The following CYP4F3 variants were observed in gnomAD, a reference collection of about 807,000 sequenced individuals.
CYP4F3 encodes the protein cytochrome P450 family 4 subfamily F member 3.
Under a neutral mutation model 54.8 loss-of-function variants are expected in CYP4F3, and 50 were observed. The observed-to-expected ratio is 0.91, with a 90% CI of 0.73 to 1.16. The LOEUF is 1.16. CYP4F3 is among the 50% of genes most tolerant of loss of function. The pLI, the probability that CYP4F3 is intolerant of heterozygous loss-of-function variation, is 0.00. For missense variants in CYP4F3, 715 were observed against 676.2 expected (o/e 1.06, Z -0.64); for synonymous variants, 244 against 262.6 (o/e 0.93, Z 0.69).
chr19:15,656,662 C>T (rs1973029225), intron 9 of CYP4F3, among the ~76,000 whole-genome samples: 1 of 151,922 alleles, frequency 6.6e-6, no homozygotes, highest in Non-Finnish European at 1.5e-5. Context: ...ATGTCTCCAT[C>T]ATCTATTATC....
Position 15,643,337 on chromosome 19 carries a change from G to GATAC in CYP4F3, c.198+1727_198+1728insCATA, listed in dbSNP as rs1341781213. 2.5e-3 allele frequency among the ~76,000 whole-genome samples: 340 copies of GATAC among 138,752 alleles called. 1 individual carries two copies. The highest frequency in any genetic ancestry group is 8.6e-3 in the African/African-American group (300 of 34,986). 91.0% of individuals were successfully genotyped at this position (138,752 alleles called of 152,430 possible). On this transcript the variant is annotated intron_variant, in intron 2 of 12. Coordinates refer to ENST00000221307, the MANE Select transcript of CYP4F3 (RefSeq NM_000896.3). ...GATTAGATAGATAGATAGATAGACAGATAGATACATACATACATACATATA... is the reference window on the plus strand; with the variant it reads ...GATTAGATAGATAGATAGATAGACAGATACATAGATACATACATACATACATATA...
intron 2 of CYP4F3, among the ~76,000 whole-genome samples, chr19:15,645,410 G>C (rs183291153): frequency 1.3e-5 from 2 of 152,322 alleles, no homozygotes; most frequent in African/African-American, 4.8e-5. Context: ...CCATGGTCTG[G>C]GACTATGGGC....
intron 6 of CYP4F3, 83 bp downstream of exon 6, chr19:15,649,364 A>T: frequency 2.0e-5 from 32 of 1,599,068 alleles, no homozygotes; most frequent in Non-Finnish European, 2.7e-5. Context: ...TGAGCAGGGA[A>T]ATCAGACAAA....
At chr19:15,658,098 T>C in intron 9 of CYP4F3, 166 bp from the exon 10 acceptor site, 1 of 981,514 alleles carries the variant, frequency 1.0e-6, no homozygotes, top group Non-Finnish European at 1.2e-6. Flanking sequence ...TATTTTCTTG[T>C]TTCTGCAACA....
Position 15,659,168 on chromosome 19 carries a change from G to C in CYP4F3, c.1398-52G>C. On this transcript the variant is annotated intron_variant, in intron 12 of 12. Transcript: ENST00000221307. ...CCAGGCCAGGTTACCGGCTTGATGG[G>C]GCCAGGATGGGGCACCTGGGTGCAG... 1.6e-6 allele frequency: 2 copies of C among 1,237,176 alleles called. 1 individual carries two copies. The highest frequency in any genetic ancestry group is 2.2e-6 in the Non-Finnish European group (2 of 893,380). 76.6% of individuals were successfully genotyped at this position (1,237,176 alleles called of 1,614,324 possible). A position where few individuals can be genotyped will look rare whatever the true frequency, so the allele number is the denominator to read the frequency against.
rs1205430061 is a variant in CYP4F3 at position 15,647,043 on chromosome 19, T to G, written c.344-9T>G. On this transcript the variant is annotated splice_polypyrimidine_tract_variant and intron_variant, in intron 3 of 12. Coordinates refer to ENST00000221307, the MANE Select transcript of CYP4F3 (RefSeq NM_000896.3). Reference sequence around the variant, plus strand: ...CTCCATGGCCCCTGATTGTCCTCATTTATGTCAGCTGCCATTGTACCAAAG... The same window carrying G: ...CTCCATGGCCCCTGATTGTCCTCATGTATGTCAGCTGCCATTGTACCAAAG... 3.1e-6 allele frequency: 5 copies of G among 1,614,024 alleles called. No homozygotes were observed. The highest frequency in any genetic ancestry group is 4.2e-6 in the Non-Finnish European group (5 of 1,180,014).
intron 2 of CYP4F3, 123 bp downstream of exon 2, chr19:15,641,736 G>A (rs1038071666): frequency 2.1e-5 from 23 of 1,117,774 alleles, no homozygotes; most frequent in African/African-American, 6.2e-5. Context: ...CAGGGGAGGC[G>A]TCTTACTCAT....
Position 15,662,360 on chromosome 19 carries a change from C to T in CYP4F3, c.*2975C>T, listed in dbSNP as rs1374710066. The T allele has an allele frequency of 6.8e-6, 1 of 147,228 alleles. No individual in the cohort carries two copies. The highest frequency in any genetic ancestry group is 2.0e-4 in the East Asian group (1 of 4,886). 9.1% of individuals were successfully genotyped at this position (147,228 alleles called of 1,614,324 possible). ...ACTTGCCTTGCAGGTTTGTAGAAAA[C>T]TCAATTGTTGAAATTTGGGTGGATA... On this transcript the variant is annotated 3_prime_UTR_variant, in exon 13 of 13. Transcript: ENST00000221307.
chr19:15,654,638 T>C (rs1472097404), intron 9 of CYP4F3, among the ~76,000 whole-genome samples: 3 of 152,238 alleles, frequency 2.0e-5, no homozygotes, highest in East Asian at 1.9e-4. Flanking sequence ...CTTATTTACT[T>C]ACCACAATGA....
chr19:15,643,402 GTAAATAGA>G (rs368125584), intron 2 of CYP4F3, among the ~76,000 whole-genome samples: 32,948 of 143,246 alleles, frequency 0.23, 3,854 homozygotes, highest in East Asian at 0.31. Flanking sequence ...ATATATATAG[GTAAATAGA>G]TAGATAGATA....
At chr19:15,647,567 C>A (rs923665777) in intron 5 of CYP4F3, among the ~76,000 whole-genome samples, 2 of 152,186 alleles carry the variant, frequency 1.3e-5, no homozygotes, top group African/African-American at 4.8e-5. Flanking sequence ...GTCACCCGAA[C>A]CCTGTAAACT....
intron 2 of CYP4F3, 81 bp downstream of exon 2, chr19:15,641,694 G>T: frequency 7.3e-7 from 1 of 1,360,838 alleles, no homozygotes; most frequent in Non-Finnish European, 1.0e-6. Flanking sequence ...CAGGTGAGAG[G>T]GGGTGGGCTG....
intron 6 of CYP4F3, 41 bp downstream of exon 6, chr19:15,649,322 A>G: frequency 2.5e-6 from 4 of 1,611,118 alleles, no homozygotes; most frequent in Non-Finnish European, 3.4e-6. Context: ...GGCCGTGGAC[A>G]CAAAGTTGGT....
Position 15,649,177 on chromosome 19 carries a change from G to A in CYP4F3, c.543G>A (p.Leu181=). The A allele has an allele frequency of 1.2e-6, 2 of 1,613,376 alleles. No homozygotes were observed. Among genetic ancestry groups the A allele is most frequent in the Non-Finnish European group, 1.7e-6 (2 of 1,179,494 alleles). ...CTGGCTAGGCCAAGTGGCAGCTCCTGGCCTCAGAGGGTAGTGCCCGTCTGG... is the reference window on the plus strand; with the variant it reads ...CTGGCTAGGCCAAGTGGCAGCTCCTAGCCTCAGAGGGTAGTGCCCGTCTGG... The part of the protein sequence containing the change: ...VNIMHAKWQL[L]ASEGSARLDM... Residue 181 remains leucine (L), a synonymous_variant, in exon 6 of 13, where the codon CTG becomes CTA. Coordinates refer to ENST00000221307, the MANE Select transcript of CYP4F3 (RefSeq NM_000896.3).
chr19:15,661,581 T>C lies in CYP4F3; in HGVS notation c.*2196T>C, dbSNP rs963331610. 1.3e-5 allele frequency: 2 copies of C among 152,234 alleles called. No homozygotes were observed. The highest frequency in any genetic ancestry group is 2.4e-5 in the African/African-American group (1 of 41,454). The allele number at this position is 152,234 out of a possible 1,614,324, so 9.4% of individuals were successfully genotyped here. On this transcript the variant is annotated 3_prime_UTR_variant, in exon 13 of 13. Transcript: ENST00000221307. The stretch of plus-strand genomic sequence containing the variant: ...CTTTGGTGAAGTGTCTGTTCAATCA[T>C]CTGCTCATTAAATTTTCCTTCGGTT...
chr19:15,662,809 A>C lies in CYP4F3; in HGVS notation c.*3424A>C, dbSNP rs544404542. ...TTTTTCTGGTGTACAATGCTAATAA[A>C]ATGGTGCTTTAAAAGATGTGTTCTT... On this transcript the variant is annotated 3_prime_UTR_variant, in exon 13 of 13. Transcript: ENST00000221307. The C allele has an allele frequency of 1.1e-4, 16 of 152,346 alleles. 2 individuals carry two copies. In the South Asian group the frequency reaches 3.1e-3, roughly 30 times the overall value. The allele number at this position is 152,346 out of a possible 1,614,324, so 9.4% of individuals were successfully genotyped here. A position where few individuals can be genotyped will look rare whatever the true frequency, so the allele number is the denominator to read the frequency against.
At chr19:15,658,076 G>A (rs532177251) in intron 9 of CYP4F3, 188 bp from the exon 10 acceptor site, 1 of 965,676 alleles carries the variant, frequency 1.0e-6, no homozygotes, top group African/African-American at 1.8e-5. Flanking sequence ...TCTTTATGCT[G>A]TTCCATGGGT....
chr19:15,650,108 G>A lies in CYP4F3; in HGVS notation c.843G>A (p.Gln281=), dbSNP rs2144650207. ...AGCGGCGCCGCACCCTCCCTAGCCA[G>A]GGTGTTGATGACTTCCTCCAAGCCA... ...IQERRRTLPS[Q]GVDDFLQAKA... Residue 281 remains glutamine (Q), a synonymous_variant, in exon 7 of 13, where the codon CAG becomes CAA. Coordinates refer to ENST00000221307, the MANE Select transcript of CYP4F3 (RefSeq NM_000896.3). The A allele has an allele frequency of 1.9e-6, 3 of 1,614,208 alleles. No homozygotes were observed. Among genetic ancestry groups the A allele is most frequent in the East Asian group, 2.2e-5 (1 of 44,892 alleles).
intron 4 of CYP4F3, 23 bp downstream of exon 4, chr19:15,647,128 G>T: frequency 3.1e-6 from 5 of 1,613,992 alleles, no homozygotes; most frequent in Non-Finnish European, 4.2e-6. Context: ...AGGTGAACAG[G>T]GTTGGGAACA....
Sources: allele counts gnomAD v4.1 joint callset (sites outside exome capture counted in the v4.1 genomes callset), GRCh38; gene constraint gnomAD v4.1.1; transcripts MANE v1.5; gene names NCBI Gene and HGNC (gene_info 2026-07-23, HGNC 2026-07-21).